The following IFT140 variants were observed in gnomAD, a reference collection of about 807,000 sequenced individuals.
The protein encoded by IFT140 is intraflagellar transport protein 140 homolog.
A neutral mutation model predicts 164.6 loss-of-function variants in IFT140; 133 were observed. The ratio of observed to expected loss-of-function variants is 0.81; its 90% CI spans 0.70 to 0.93. The LOEUF (loss-of-function observed/expected upper bound fraction) is 0.93, where lower values mean the gene tolerates loss of function less well. Ranked by LOEUF, IFT140 falls within the 40% of genes least tolerant of loss-of-function variation. IFT140 has a pLI of 0.00. For synonymous variants in IFT140, 860 were observed against 817.3 expected, an observed-to-expected ratio of 1.05 and a Z score of -0.89; for missense variants, 2,045 against 1,972.3, an observed-to-expected ratio of 1.04 and a Z score of -0.70.
intron 19 of IFT140, among the ~76,000 whole-genome samples, chr16:1,528,362 CACACACACGCATGCACGCACGTGT>C (rs1451324121): frequency 6.6e-6 from 1 of 151,062 alleles, no homozygotes; most frequent in African/African-American, 2.5e-5. Flanking sequence ...CGCACGTGTG[CACACACACGCATGCACGCACGTGT>C]GCACACACAC....
At chr16:1,554,733 A>G (rs769545889) in intron 19 of IFT140, 2 of 1,601,414 alleles carry the variant, frequency 1.2e-6, no homozygotes, top group Non-Finnish European at 1.7e-6. Flanking sequence ...AAGGAGTGGA[A>G]CCCGCCTTCC....
chr16:1,593,749 T>C lies in IFT140; in HGVS notation c.370-1161A>G, dbSNP rs558942933. 1.2e-3 allele frequency among the ~76,000 whole-genome samples: 177 copies of C among 152,220 alleles called. 3 individuals are homozygous for C. The highest frequency in any genetic ancestry group is 3.9e-4 in the Admixed American group (6 of 15,280). On this transcript the variant is annotated intron_variant, in intron 4 of 30. Coordinates refer to ENST00000426508, the MANE Select transcript of IFT140 (RefSeq NM_014714.4). ...AAGCTGAGGTGCCTTCTCTGCATGC[T>C]GCCGGCATTGTCACTGCCGGCATTG...
intron 2 of IFT140, among the ~76,000 whole-genome samples, chr16:1,608,664 A>G (rs2036196782): frequency 6.6e-6 from 1 of 151,678 alleles, no homozygotes; most frequent in East Asian, 1.9e-4. Context: ...AACCCGAACA[A>G]CAAACAAACA....
intron 19 of IFT140, among the ~76,000 whole-genome samples, chr16:1,549,287 C>T (rs1217901089): frequency 3.3e-5 from 5 of 152,262 alleles, no homozygotes; most frequent in Non-Finnish European, 7.3e-5. Flanking sequence ...TTTTTTCACA[C>T]AAGGTACAGA....
chr16:1,512,926 T>C (rs2040216033), intron 30 of IFT140: 1 of 152,218 alleles, frequency 6.6e-6, no homozygotes, highest in Admixed American at 6.5e-5. Context: ...AGGAAGTCTG[T>C]GTCTCACGGA....
At chr16:1,572,691 C>T (rs534473027) in intron 13 of IFT140, among the ~76,000 whole-genome samples, 2 of 152,308 alleles carry the variant, frequency 1.3e-5, no homozygotes, top group South Asian at 2.1e-4. Flanking sequence ...ACAGTCACCC[C>T]ACAGTTGCGC....
At chr16:1,605,926 T>G (rs2036037298) in intron 3 of IFT140, among the ~76,000 whole-genome samples, 1 of 152,182 alleles carries the variant, frequency 6.6e-6, no homozygotes. Context: ...CCTAGTTACA[T>G]ATGCCTGATG....
chr16:1,553,986 G>A lies in IFT140; in HGVS notation c.2399+3949C>T. The stretch of plus-strand genomic sequence containing the variant: ...TCAGCGACTAACTAGACGGGAACAA[G>A]CTGCGCCAACCAAGGGTTGCTCACG... On this transcript the variant is annotated intron_variant, in intron 19 of 30. Coordinates refer to ENST00000426508, the MANE Select transcript of IFT140 (RefSeq NM_014714.4). The surrounding 1 kb of genome is among the most constrained non-coding windows in gnomAD (Gnocchi z 4.4). 1.6e-6 allele frequency: 2 copies of A among 1,287,220 alleles called. No individual in the cohort carries two copies. The highest frequency in any genetic ancestry group is 1.1e-4 in the East Asian group (2 of 18,016). 79.7% of individuals were successfully genotyped at this position (1,287,220 alleles called of 1,614,324 possible).
chr16:1,607,001 T>C (rs1000709164), intron 3 of IFT140, 119 bp downstream of exon 3: 4 of 945,718 alleles, frequency 4.2e-6, no homozygotes, highest in Non-Finnish European at 5.0e-6. Flanking sequence ...CAGATGCATG[T>C]ATACACACAC....
At chr16:1,557,653 C>T in intron 19 of IFT140, 1 of 386,268 alleles carries the variant, frequency 2.6e-6, no homozygotes, top group Non-Finnish European at 4.7e-6. Flanking sequence ...CAATTATTCC[C>T]AGAGGGATGG....
intron 19 of IFT140, among the ~76,000 whole-genome samples, chr16:1,538,315 G>A (rs902116551): frequency 6.6e-5 from 10 of 152,338 alleles, no homozygotes; most frequent in Middle Eastern, 3.4e-3. Flanking sequence ...CTGGAGCTGC[G>A]AGGAAGGAAG....
intron 18 of IFT140, among the ~76,000 whole-genome samples, chr16:1,559,019 G>C (rs1214706509): frequency 6.6e-6 from 1 of 152,222 alleles, no homozygotes; most frequent in African/African-American, 2.4e-5. Flanking sequence ...TTTGTCAGAC[G>C]CAGTTGTGAT....
chr16:1,575,018 TC>T (rs2034204338), intron 13 of IFT140, among the ~76,000 whole-genome samples: 1 of 152,152 alleles, frequency 6.6e-6, no homozygotes, highest in Non-Finnish European at 1.5e-5. Flanking sequence ...CCACCCTTAC[TC>T]ACGCCAGAGC....
intron 13 of IFT140, among the ~76,000 whole-genome samples, chr16:1,571,800 G>A (rs1107352): frequency 2.5e-4 from 38 of 152,262 alleles, no homozygotes; most frequent in African/African-American, 7.9e-4. Context: ...GTCTAGAGGG[G>A]AAAACAGACA....
rs758986711 is a variant in IFT140, at chr16:1,584,255, G to A, written c.1321C>T (p.Arg441Cys). ...ACTCCACTGATGTGCATGTCGGTGC[G>A]CAGGCTGTGTGCGACCCCCGTGGAC... ...FLSTGVAHSL[R>C]TDMHISGVFA... Residue 441 changes from arginine (R) to cysteine (C), a missense_variant, in exon 11 of 31, where the codon CGC becomes TGC. Physicochemically the swap from Arg to Cys is radical, Grantham distance 180. Coordinates refer to ENST00000426508, the MANE Select transcript of IFT140 (RefSeq NM_014714.4). The A allele has an allele frequency of 5.6e-6, 9 of 1,613,512 alleles. No individual in the cohort carries two copies. The highest frequency in any genetic ancestry group is 2.2e-5 in the East Asian group (1 of 44,874).
In IFT140 at chr16:1,587,287, C is replaced by T. The variant is rs780666037; in HGVS notation, c.920G>A (p.Arg307Gln). 2.0e-5 allele frequency: 33 copies of T among 1,610,638 alleles called. No homozygotes were observed. In the South Asian group the frequency reaches 3.3e-4, roughly 16 times the overall value. ...TGGACTCAGTATATAATTCTCTCCTCGTTCTATGTCCCAGAATCTACAACA... is the reference window on the plus strand; with the variant it reads ...TGGACTCAGTATATAATTCTCTCCTTGTTCTATGTCCCAGAATCTACAACA... ...EAALRFWDIE[R>Q]GENYILSPDE... The change falls in exon 9 of 31, where the codon CGA (arginine) becomes CAA (glutamine). Residue 307 changes from arginine (R) to glutamine (Q), a missense_variant. Transcript: ENST00000426508.
Position 1,526,081 on chromosome 16 carries a change from A to C in IFT140, c.2578-4T>G, listed in dbSNP as rs2040685917. On this transcript the variant is annotated splice_region_variant and splice_polypyrimidine_tract_variant and intron_variant, in intron 20 of 30. Transcript: ENST00000426508. ...TGTACAGCTGCTCGGCGTCCTCCTG[A>C]GGAATGAGGATGGGCAGGTGTCGTG... 6.3e-7 allele frequency: 1 copy of C among 1,577,654 alleles called. No homozygotes were observed. Among genetic ancestry groups the C allele is most frequent in the Non-Finnish European group, 8.6e-7 (1 of 1,161,834 alleles).
chr16:1,589,176 C>CT (rs1250311707), intron 7 of IFT140, among the ~76,000 whole-genome samples: 1 of 152,230 alleles, frequency 6.6e-6, no homozygotes, highest in African/African-American at 2.4e-5. Context: ...GCAAGAGCAT[C>CT]TTTAGGGAAA....
chr16:1,556,699 G>C (rs532459444), intron 19 of IFT140, among the ~76,000 whole-genome samples: 2 of 152,336 alleles, frequency 1.3e-5, no homozygotes, highest in East Asian at 3.9e-4. Context: ...CACACTAGCA[G>C]GGATAGTTGA....
Sources: gnomAD v4.1 joint callset for allele counts (sites outside exome capture counted in the v4.1 genomes callset) on GRCh38, gnomAD v4.1.1 for gene constraint, Gnocchi (gnomAD v3.1) non-coding constraint, MANE v1.5 for transcripts, NCBI Gene and HGNC (gene_info 2026-07-23, HGNC 2026-07-21) for gene names.